The following CDKAL1 variants were observed in gnomAD, a reference collection of about 807,000 sequenced individuals.
CDKAL1 encodes the protein CDKAL1 threonylcarbamoyladenosine tRNA methylthiotransferase.
In CDKAL1, 32 loss-of-function variants were observed where a neutral mutation model predicts 68.2. The ratio of observed to expected loss-of-function variants is 0.47; its 90% CI spans 0.35 to 0.63. The LOEUF (loss-of-function observed/expected upper bound fraction) is 0.63. Among genes scored for constraint, CDKAL1 ranks in the 30% least tolerant of loss-of-function variants. The probability of loss-of-function intolerance (pLI) is 0.00; values close to 1 mark genes in which losing one functional copy is unlikely to be tolerated. For missense variants in CDKAL1, 606 were observed against 696.7 expected, an observed-to-expected ratio of 0.87 and a Z score of 1.47; for synonymous variants, 234 against 244.3, an observed-to-expected ratio of 0.96 and a Z score of 0.39.
At chr6:20,948,354 T>G (rs898448606) in intron 9 of CDKAL1, among the ~76,000 whole-genome samples, 1 of 152,188 alleles carries the variant, frequency 6.6e-6, no homozygotes, top group African/African-American at 2.4e-5. Context: ...ACATTAGTCA[T>G]AAAAATTCTG....
At chr6:20,608,991 T>A (rs907149989) in intron 4 of CDKAL1, among the ~76,000 whole-genome samples, 6 of 152,196 alleles carry the variant, frequency 3.9e-5, no homozygotes, top group African/African-American at 1.4e-4. Flanking sequence ...GAGAGTATTG[T>A]ACTAATAAAG....
At chr6:21,086,584 A>C (rs1251117041) in intron 12 of CDKAL1, among the ~76,000 whole-genome samples, 2 of 152,164 alleles carry the variant, frequency 1.3e-5, no homozygotes, top group African/African-American at 2.4e-5. Context: ...GGGCATCTGT[A>C]GATGTTTAGG....
intron 10 of CDKAL1, among the ~76,000 whole-genome samples, chr6:20,961,575 G>T (rs896181934): frequency 1.1e-4 from 17 of 152,216 alleles, no homozygotes; most frequent in African/African-American, 3.9e-4. Flanking sequence ...AGACCATCCT[G>T]GCTAACACAG....
intron 11 of CDKAL1, among the ~76,000 whole-genome samples, chr6:21,038,927 T>C (rs1014837224): frequency 3.9e-5 from 6 of 152,212 alleles, no homozygotes; most frequent in Admixed American, 2.0e-4. Context: ...AGTAATAGCA[T>C]TACCTACCTA....
chr6:20,796,095 A>T (rs1776098891), intron 8 of CDKAL1, among the ~76,000 whole-genome samples: 1 of 152,188 alleles, frequency 6.6e-6, no homozygotes, highest in African/African-American at 2.4e-5. Context: ...AGATGATATG[A>T]CTGTCTACAT....
intron 13 of CDKAL1, among the ~76,000 whole-genome samples, chr6:21,120,467 G>A (rs893046798): frequency 6.6e-6 from 1 of 152,092 alleles, no homozygotes; most frequent in African/African-American, 2.4e-5. Context: ...GTTTATGCTT[G>A]GTTTTAATTA....
intron 10 of CDKAL1, among the ~76,000 whole-genome samples, chr6:20,999,723 A>AT (rs1048484371): frequency 6.2e-5 from 9 of 144,862 alleles, no homozygotes; most frequent in South Asian, 2.2e-4. Flanking sequence ...TTTTTTCCTG[A>AT]TTTTTTTTGT....
chr6:20,572,422 AT>A (rs1764741289), intron 4 of CDKAL1, among the ~76,000 whole-genome samples: 1 of 152,170 alleles, frequency 6.6e-6, no homozygotes, highest in African/African-American at 2.4e-5. Flanking sequence ...TGTGTTCAAT[AT>A]TAATATGGCA....
chr6:21,109,812 A>G (rs72838005), intron 13 of CDKAL1, among the ~76,000 whole-genome samples: 39,050 of 152,126 alleles, frequency 0.26, 5,095 homozygotes, highest in South Asian at 0.37. Flanking sequence ...TAAAGTTAAC[A>G]TTTAACAACA....
At chr6:21,200,871 A>T (rs1053066043) in intron 14 of CDKAL1, 2 of 331,704 alleles carry the variant, frequency 6.0e-6, no homozygotes, top group African/African-American at 4.2e-5. Context: ...TTGAGGGACA[A>T]TGAGGAAACC....
chr6:21,135,487 A>G (rs1775545322), intron 13 of CDKAL1, among the ~76,000 whole-genome samples: 1 of 152,242 alleles, frequency 6.6e-6, no homozygotes. Context: ...AAGAACCAAT[A>G]AAATGATGAA....
chr6:21,217,462 GTTTTATT>G (rs1000531177), intron 15 of CDKAL1, among the ~76,000 whole-genome samples: 17 of 149,880 alleles, frequency 1.1e-4, no homozygotes, highest in African/African-American at 3.2e-4. Flanking sequence ...ACCCAGCTAA[GTTTTATT>G]TTTTATTTTT....
intron 13 of CDKAL1, among the ~76,000 whole-genome samples, chr6:21,149,699 G>C (rs1486126240): frequency 6.6e-6 from 1 of 152,080 alleles, no homozygotes; most frequent in Non-Finnish European, 1.5e-5. Context: ...AAGTGACTGC[G>C]TTCACTGAGA....
At chr6:21,230,299 C>G (rs1188691367) in intron 15 of CDKAL1, among the ~76,000 whole-genome samples, 1 of 152,190 alleles carries the variant, frequency 6.6e-6, no homozygotes, top group African/African-American at 2.4e-5. Context: ...GTAGCTGGGA[C>G]TACCGGCACC....
chr6:20,793,349 A>G (rs1304569979), intron 8 of CDKAL1, among the ~76,000 whole-genome samples: 1 of 152,198 alleles, frequency 6.6e-6, no homozygotes, highest in Admixed American at 6.5e-5. Flanking sequence ...ACAAGGTGTC[A>G]GTAGCGGCGT....
intron 10 of CDKAL1, among the ~76,000 whole-genome samples, chr6:20,990,171 A>C (rs1375379480): frequency 2.6e-5 from 4 of 152,212 alleles, no homozygotes; most frequent in Non-Finnish European, 5.9e-5. Flanking sequence ...TGAACCCAGG[A>C]GGTGGAGGTT....
At chr6:20,802,095 T>G (rs887087066) in intron 8 of CDKAL1, among the ~76,000 whole-genome samples, 1 of 151,900 alleles carries the variant, frequency 6.6e-6, no homozygotes, top group East Asian at 1.9e-4. Flanking sequence ...GTTAAGAGAT[T>G]GAGACCATCC....
At chr6:20,921,283 G>C (rs1237449313) in intron 9 of CDKAL1, among the ~76,000 whole-genome samples, 1 of 152,124 alleles carries the variant, frequency 6.6e-6, no homozygotes, top group Non-Finnish European at 1.5e-5. Flanking sequence ...ACAAAAATTA[G>C]CTGGGCATGG....
intron 4 of CDKAL1, among the ~76,000 whole-genome samples, chr6:20,638,134 C>T (rs971991251): frequency 1.3e-4 from 20 of 152,118 alleles, no homozygotes; most frequent in East Asian, 1.9e-4. Context: ...CCTTAAGTGG[C>T]GATCTGGTAT....
Sources: gnomAD v4.1 joint callset for allele counts (sites outside exome capture counted in the v4.1 genomes callset) on GRCh38, gnomAD v4.1.1 for gene constraint, MANE v1.5 for transcripts, NCBI Gene and HGNC (gene_info 2026-07-23, HGNC 2026-07-21) for gene names.